The following DPP8 variants were observed in gnomAD, a reference collection of about 807,000 sequenced individuals.
The protein encoded by DPP8 is dipeptidyl peptidase 8.
DPP8 carries 31 observed loss-of-function variants against 107.5 expected under a neutral mutation model. The ratio of observed to expected loss-of-function variants is 0.29; its 90% CI spans 0.22 to 0.39. DPP8 has a LOEUF of 0.39. Among genes scored for constraint, DPP8 ranks in the 10% least tolerant of loss-of-function variants. DPP8 has a pLI of 1.00. For synonymous variants in DPP8, 381 were observed against 356.6 expected, an observed-to-expected ratio of 1.07 and a Z score of -0.77; for missense variants, 842 against 1,076.1, an observed-to-expected ratio of 0.78 and a Z score of 3.04.
chr15:65,500,811 C>A, intron 3 of DPP8, 32 bp from the exon 4 acceptor site: 2 of 1,528,316 alleles, frequency 1.3e-6, no homozygotes, highest in South Asian at 2.4e-5. Flanking sequence ...CTATTCCAGT[C>A]TTCTGAAAAA....
rs2063454495 is a variant in DPP8 at position 65,445,258 on chromosome 15, T to C, written c.*1626A>G. ...AGGCTGTGCTCTCTATGGGGAAATC[T>C]ACTCTCTCTGTAGTGATGAGAAAGA... On this transcript the variant is annotated 3_prime_UTR_variant, in exon 20 of 20. Coordinates refer to ENST00000300141, the MANE Select transcript of DPP8 (RefSeq NM_130434.5). The C allele has an allele frequency of 6.6e-6, 1 of 152,208 alleles. No homozygotes were observed. Among genetic ancestry groups the C allele is most frequent in the African/African-American group, 2.4e-5 (1 of 41,460 alleles). 9.4% of individuals were successfully genotyped at this position (152,208 alleles called of 1,614,324 possible).
intron 2 of DPP8, among the ~76,000 whole-genome samples, chr15:65,511,429 T>A (rs998619111): frequency 9.4e-5 from 14 of 148,604 alleles, no homozygotes; most frequent in South Asian, 2.1e-4. Context: ...ACGAAGTTTT[T>A]AAAAAAAAAA....
At chr15:65,507,481 T>C (rs1048687961) in intron 2 of DPP8, 126 bp from the exon 3 acceptor site, 6 of 550,694 alleles carry the variant, frequency 1.1e-5, no homozygotes, top group Admixed American at 3.5e-5. Context: ...ATATAATGAA[T>C]GTTAACAAGT....
chr15:65,508,982 C>T (rs1310225368), intron 2 of DPP8, among the ~76,000 whole-genome samples: 1 of 152,156 alleles, frequency 6.6e-6, no homozygotes, highest in African/African-American at 2.4e-5. Flanking sequence ...ATTATTAATG[C>T]CAGCAGAAGG....
At chr15:65,460,390 C>T (rs2064811965) in intron 15 of DPP8, among the ~76,000 whole-genome samples, 1 of 152,166 alleles carries the variant, frequency 6.6e-6, no homozygotes, top group Non-Finnish European at 1.5e-5. Context: ...AGGCAGTGAG[C>T]TGAGATCATG....
chr15:65,497,773 C>T (rs2068754739), intron 5 of DPP8, 91 bp downstream of exon 5: 9 of 1,007,036 alleles, frequency 8.9e-6, no homozygotes, highest in Non-Finnish European at 1.2e-5. Context: ...AAAGATCACC[C>T]AACGTGGTAA....
At chr15:65,448,876 A>C (rs1419356437) in intron 19 of DPP8, among the ~76,000 whole-genome samples, 2 of 30,550 alleles carry the variant, frequency 6.5e-5, no homozygotes, top group African/African-American at 3.9e-4. Flanking sequence ...ATATATATAT[A>C]TATATATATA....
intron 8 of DPP8, among the ~76,000 whole-genome samples, chr15:65,484,712 C>T (rs2067242738): frequency 6.7e-6 from 1 of 149,956 alleles, no homozygotes; most frequent in Non-Finnish European, 1.5e-5. Context: ...GTCTTGTGTG[C>T]ATGCAGCTTA....
chr15:65,473,823 G>A (rs2066133460), intron 12 of DPP8, among the ~76,000 whole-genome samples: 1 of 152,158 alleles, frequency 6.6e-6, no homozygotes, highest in Admixed American at 6.5e-5. Flanking sequence ...ACTGGGGTCG[G>A]CTGGGCGCAG....
chr15:65,504,692 G>A (rs991253838), intron 3 of DPP8, among the ~76,000 whole-genome samples: 7 of 146,904 alleles, frequency 4.8e-5, no homozygotes, highest in Non-Finnish European at 3.0e-5. Context: ...AAAAACTGTG[G>A]TAGAACATGC....
intron 19 of DPP8, among the ~76,000 whole-genome samples, chr15:65,449,034 C>T (rs2063768022): frequency 7.1e-6 from 1 of 141,820 alleles, no homozygotes; most frequent in Non-Finnish European, 1.5e-5. Context: ...ATGGTGAAAC[C>T]CTGTCTCTAC....
At chr15:65,454,647 C>T (rs552453632) in intron 16 of DPP8, among the ~76,000 whole-genome samples, 72 of 152,346 alleles carry the variant, frequency 4.7e-4, no homozygotes, top group Non-Finnish European at 3.5e-4. Flanking sequence ...CTGCCTCAGC[C>T]TCCCAAGTAG....
intron 3 of DPP8, among the ~76,000 whole-genome samples, chr15:65,505,692 T>A (rs1456286952): frequency 6.6e-6 from 1 of 152,138 alleles, no homozygotes; most frequent in Non-Finnish European, 1.5e-5. Flanking sequence ...GGCTCACACC[T>A]GTAATCCCAG....
intron 19 of DPP8, among the ~76,000 whole-genome samples, chr15:65,448,886 A>G (rs1324823766): frequency 0.35 from 18,569 of 53,446 alleles, 4,107 homozygotes; most frequent in East Asian, 0.8. Context: ...ATATATATAT[A>G]TATATATATA....
rs770004537 is a variant in DPP8 at position 65,466,659 on chromosome 15, CAG to C, written c.1825+17_1825+18del. On this transcript the variant is annotated intron_variant, in intron 14 of 19. Coordinates refer to ENST00000300141, the MANE Select transcript of DPP8 (RefSeq NM_130434.5). ...TATTAATCCTACTTAACGTCAGGAT[CAG>C]GGGGAAAAAAGAATACCTGCTGAAT... The C allele has an allele frequency of 2.4e-5, 38 of 1,610,134 alleles. No homozygotes were observed. In the African/African-American group the frequency reaches 4.4e-4, roughly 19 times the overall value.
At position 65,446,713 on chromosome 15, in the gene DPP8, G is replaced by T; in HGVS notation, c.*171C>A. The T allele has an allele frequency of 1.7e-5, 6 of 348,402 alleles. No individual in the cohort carries two copies. The highest frequency in any genetic ancestry group is 6.3e-5 in the East Asian group (1 of 15,960). The allele number at this position is 348,402 out of a possible 1,614,324, so 21.6% of individuals were successfully genotyped here. A position where few individuals can be genotyped will look rare whatever the true frequency, so the allele number is the denominator to read the frequency against. On this transcript the variant is annotated 3_prime_UTR_variant, in exon 20 of 20. Coordinates refer to ENST00000300141, the MANE Select transcript of DPP8 (RefSeq NM_130434.5). ...TTGAGCATGTGGGGTTAAGGTATTA[G>T]ATTACTACCACAAACCGTAGACCCC... is the stretch of plus-strand genomic sequence containing the variant.
At chr15:65,457,267 T>C (rs981466609) in intron 15 of DPP8, among the ~76,000 whole-genome samples, 7 of 152,210 alleles carry the variant, frequency 4.6e-5, no homozygotes, top group Non-Finnish European at 8.8e-5. Context: ...GGCATGAGAA[T>C]TGCTTGAACC....
intron 11 of DPP8, chr15:65,475,433 T>TG (rs1269992524): frequency 4.5e-6 from 7 of 1,572,554 alleles, no homozygotes; most frequent in Non-Finnish European, 6.1e-6. Context: ...TACCTTATTA[T>TG]GGCATTCAGG....
chr15:65,490,579 C>A (rs1396066992), intron 5 of DPP8, among the ~76,000 whole-genome samples: 1 of 152,126 alleles, frequency 6.6e-6, no homozygotes, highest in Non-Finnish European at 1.5e-5. Flanking sequence ...AGAACAAAGC[C>A]TGGACCACAG....
Sources: gnomAD v4.1 joint callset for allele counts (sites outside exome capture counted in the v4.1 genomes callset) on GRCh38, gnomAD v4.1.1 for gene constraint, MANE v1.5 for transcripts, NCBI Gene and HGNC (gene_info 2026-07-23, HGNC 2026-07-21) for gene names.